CNTN1: variants seen among roughly 807,000 people sequenced by gnomAD.
The protein encoded by CNTN1 is contactin-1.
CNTN1 carries 38 observed loss-of-function variants against 126.4 expected under a neutral mutation model. The ratio of observed to expected loss-of-function variants is 0.30; its 90% CI spans 0.23 to 0.39. The LOEUF is 0.39. CNTN1 is among the 10% of genes least tolerant of loss of function. The pLI is 1.00. For missense variants in CNTN1, 1,009 were observed against 1,248.4 expected, an observed-to-expected ratio of 0.81 and a Z score of 2.89; for synonymous variants, 413 against 422.6, an observed-to-expected ratio of 0.98 and a Z score of 0.28.
At chr12:40,822,006 T>C (rs1473327627) in intron 1 of CNTN1, among the ~76,000 whole-genome samples, 1 of 152,030 alleles carries the variant, frequency 6.6e-6, no homozygotes, top group Non-Finnish European at 1.5e-5. Flanking sequence ...TAATAAATAG[T>C]ACTATGTGCA....
chr12:40,952,074 A>G (rs986071513), intron 14 of CNTN1, among the ~76,000 whole-genome samples: 4 of 151,778 alleles, frequency 2.6e-5, no homozygotes, highest in Non-Finnish European at 5.9e-5. Flanking sequence ...CAAAAAAATA[A>G]GTAAAATAAC....
At chr12:40,899,525 AAGAGAC>A (rs1245282712) in intron 1 of CNTN1, among the ~76,000 whole-genome samples, 1 of 152,238 alleles carries the variant, frequency 6.6e-6, no homozygotes. Flanking sequence ...ACATAATTTT[AAGAGAC>A]AGACTATTAA....
In CNTN1 at chr12:41,013,925, A is replaced by G. The variant is rs1948724500; in HGVS notation, c.2114-303A>G. On this transcript the variant is annotated intron_variant, in intron 17 of 23. Coordinates refer to ENST00000551295, the MANE Select transcript of CNTN1 (RefSeq NM_001843.4). ...TAGAAGTTCATAGGCTTCAAAAGTA[A>G]AAGTGGCAAAATCTTTTTCCAACAG... Among the ~76,000 whole-genome samples the G allele has an allele frequency of 2.0e-5, 3 of 152,220 alleles. No individual in the cohort carries two copies. The South Asian group carries it at 6.2e-4, about 31-fold the overall frequency.
At chr12:40,737,305 GTA>G (rs1555148034) in intron 1 of CNTN1, among the ~76,000 whole-genome samples, 1 of 145,820 alleles carries the variant, frequency 6.9e-6, no homozygotes, top group African/African-American at 2.5e-5. Context: ...GTGTGTGTGT[GTA>G]TATACACATA....
intron 1 of CNTN1, among the ~76,000 whole-genome samples, chr12:40,757,096 C>T (rs923061956): frequency 5.3e-5 from 8 of 152,178 alleles, no homozygotes; most frequent in East Asian, 1.9e-4. Flanking sequence ...GATTTGCAAA[C>T]GTCAGCCTTC....
At chr12:40,763,066 C>G (rs1938929160) in intron 1 of CNTN1, 1 of 152,192 alleles carries the variant, frequency 6.6e-6, no homozygotes, top group Non-Finnish European at 1.5e-5. Flanking sequence ...AGCACAGTGC[C>G]CATCTTCACT....
rs1029861728 is a variant in CNTN1, at chr12:40,966,391, A to G, written c.1804+7157A>G. 9.2e-5 allele frequency among the ~76,000 whole-genome samples: 14 copies of G among 152,160 alleles called. 1 individual carries two copies. The highest frequency in any genetic ancestry group is 4.1e-4 in the South Asian group (2 of 4,820). On this transcript the variant is annotated intron_variant, in intron 15 of 23. Coordinates refer to ENST00000551295, the MANE Select transcript of CNTN1 (RefSeq NM_001843.4). ...ACTAACCACAGCAATGCATCCATTGATAGCAAAACCTGCCTAGAAATTAAG... is the reference window on the plus strand; with the variant it reads ...ACTAACCACAGCAATGCATCCATTGGTAGCAAAACCTGCCTAGAAATTAAG...
chr12:40,903,488 C>T (rs1944689299), intron 1 of CNTN1, among the ~76,000 whole-genome samples: 1 of 150,172 alleles, frequency 6.7e-6, no homozygotes, highest in South Asian at 2.1e-4. Flanking sequence ...GGTGTGGCCT[C>T]AAGAGAGAAG....
At chr12:40,831,368 C>T (rs1359092876) in intron 1 of CNTN1, among the ~76,000 whole-genome samples, 10 of 151,808 alleles carry the variant, frequency 6.6e-5, no homozygotes, top group Admixed American at 3.9e-4. Flanking sequence ...TATGTTTAGA[C>T]AACAAGAAAA....
chr12:40,788,616 C>T (rs1167083807), intron 1 of CNTN1, among the ~76,000 whole-genome samples: 2 of 152,224 alleles, frequency 1.3e-5, no homozygotes, highest in East Asian at 3.9e-4. Context: ...CAAATGACCC[C>T]TTGGAAAATT....
intron 7 of CNTN1, 66 bp downstream of exon 7, chr12:40,930,068 T>G: frequency 8.1e-7 from 1 of 1,239,106 alleles, no homozygotes; most frequent in South Asian, 1.2e-5. Flanking sequence ...CTTACCGTAA[T>G]GAAAAGAAAT....
chr12:41,000,427 G>C (rs1353385441), intron 17 of CNTN1, among the ~76,000 whole-genome samples: 3 of 152,028 alleles, frequency 2.0e-5, no homozygotes, highest in Non-Finnish European at 4.4e-5. Context: ...AGTTATAGGG[G>C]TAAAAGAGTT....
At chr12:40,947,792 C>T (rs796113726) in intron 14 of CNTN1, among the ~76,000 whole-genome samples, 52,910 of 111,550 alleles carry the variant, frequency 0.47, 11,086 homozygotes, top group African/African-American at 0.54. Flanking sequence ...TACACACACA[C>T]ACACACACAC....
At chr12:40,791,074 A>T (rs1940203082) in intron 1 of CNTN1, among the ~76,000 whole-genome samples, 1 of 152,108 alleles carries the variant, frequency 6.6e-6, no homozygotes, top group South Asian at 2.1e-4. Flanking sequence ...CAATTTTGTT[A>T]TTACTTGTTT....
intron 1 of CNTN1, among the ~76,000 whole-genome samples, chr12:40,741,892 A>G (rs958145849): frequency 1.3e-5 from 2 of 148,986 alleles, no homozygotes; most frequent in African/African-American, 4.9e-5. Flanking sequence ...TTCTAATTGA[A>G]TACATTTGAA....
At chr12:40,935,060 T>G (rs35958887) in intron 9 of CNTN1, among the ~76,000 whole-genome samples, 5,047 of 152,168 alleles carry the variant, frequency 0.033, 109 homozygotes, top group Middle Eastern at 0.11. Flanking sequence ...CATCTCCATT[T>G]CAGTCACTCC....
At chr12:40,758,693 T>C (rs1195919487) in intron 1 of CNTN1, among the ~76,000 whole-genome samples, 1 of 152,128 alleles carries the variant, frequency 6.6e-6, no homozygotes, top group African/African-American at 2.4e-5. Flanking sequence ...TCAACAGTTA[T>C]CAACTCAAGA....
intron 1 of CNTN1, among the ~76,000 whole-genome samples, chr12:40,842,606 C>T (rs982940628): frequency 5.3e-5 from 8 of 151,950 alleles, no homozygotes; most frequent in African/African-American, 1.9e-4. Flanking sequence ...CTTTTGCTTC[C>T]TTCCTATCTC....
rs190024621 is a variant in CNTN1 at position 41,051,627 on chromosome 12, A to T, written c.2981-18332A>T. Among the ~76,000 whole-genome samples the T allele has an allele frequency of 2.1e-3, 313 of 152,228 alleles. 2 individuals are homozygous for T. Among genetic ancestry groups the T allele is most frequent in the Middle Eastern group, 0.01 (3 of 294 alleles). On this transcript the variant is annotated intron_variant, in intron 23 of 23. Coordinates refer to ENST00000551295, the MANE Select transcript of CNTN1 (RefSeq NM_001843.4). ...GGATATATTTCTATAAAACACATAC[A>T]AAAATGTCCTCTTTTTAAGGAACTG...
Sources: gnomAD v4.1 joint callset for allele counts (sites outside exome capture counted in the v4.1 genomes callset) on GRCh38, gnomAD v4.1.1 for gene constraint, MANE v1.5 for transcripts, NCBI Gene and HGNC (gene_info 2026-07-23, HGNC 2026-07-21) for gene names.